The following TRIO variants were observed in gnomAD, a reference collection of about 807,000 sequenced individuals.
The protein encoded by TRIO is triple functional domain protein.
TRIO carries 58 observed loss-of-function variants against 351.9 expected under a neutral mutation model. That is an observed-to-expected ratio of 0.16 (90% confidence interval 0.13 to 0.21). The LOEUF is 0.21. TRIO is among the 10% of genes least tolerant of loss of function. The pLI is 1.00. For synonymous variants in TRIO, 1,758 were observed against 1,595.7 expected (o/e 1.10, Z -2.42); for missense variants, 3,201 against 4,027.8 (o/e 0.79, Z 5.56).
At chr5:14,306,541 C>G (rs1209117607) in intron 8 of TRIO, among the ~76,000 whole-genome samples, 2 of 152,232 alleles carry the variant, frequency 1.3e-5, no homozygotes, top group East Asian at 3.8e-4. Flanking sequence ...GAGGCCTCCA[C>G]TCATCTGCTT....
intron 1 of TRIO, among the ~76,000 whole-genome samples, chr5:14,168,133 T>C (rs534872012): frequency 6.6e-6 from 1 of 152,322 alleles, no homozygotes; most frequent in African/African-American, 2.4e-5. Flanking sequence ...GAAGCCAGAA[T>C]AGCTGTGAAA....
At chr5:14,183,974 C>T (rs1789949802) in intron 1 of TRIO, 2 of 697,860 alleles carry the variant, frequency 2.9e-6, no homozygotes, top group Non-Finnish European at 5.2e-6. Context: ...GGATGTGTCC[C>T]AGACTTTAAA....
At chr5:14,488,328 C>T (rs1172934247) in intron 48 of TRIO, 68 bp downstream of exon 48, 1 of 1,496,706 alleles carries the variant, frequency 6.7e-7, no homozygotes, top group Non-Finnish European at 8.9e-7. Context: ...TAAACGCCAC[C>T]GCGGCTGTTC....
At chr5:14,377,970 G>T in intron 19 of TRIO, 42 bp from the exon 20 acceptor site, 1 of 1,491,896 alleles carries the variant, frequency 6.7e-7, no homozygotes, top group South Asian at 1.2e-5. Context: ...TGTTTTAATT[G>T]ATTGCAAGCA....
intron 1 of TRIO, among the ~76,000 whole-genome samples, chr5:14,185,146 C>T (rs1235195825): frequency 7.4e-6 from 1 of 134,588 alleles, no homozygotes; most frequent in Non-Finnish European, 1.6e-5. Flanking sequence ...ATAAAATTCG[C>T]CCCCCTTCCC....
At chr5:14,337,841 C>T (rs530264208) in intron 11 of TRIO, among the ~76,000 whole-genome samples, 2 of 152,094 alleles carry the variant, frequency 1.3e-5, no homozygotes, top group Admixed American at 6.5e-5. Context: ...ACCACTGGGA[C>T]CCCTGGGGTT....
intron 8 of TRIO, among the ~76,000 whole-genome samples, chr5:14,310,544 T>A (rs1420793727): frequency 6.6e-6 from 1 of 152,272 alleles, no homozygotes; most frequent in African/African-American, 2.4e-5. Flanking sequence ...AAAGGCACTG[T>A]ATCAGTGGGT....
intron 4 of TRIO, among the ~76,000 whole-genome samples, chr5:14,287,568 C>G (rs1736555688): frequency 6.6e-6 from 1 of 152,120 alleles, no homozygotes; most frequent in South Asian, 2.1e-4. Context: ...GTGCAGAGTC[C>G]TGAATTCAGT....
At chr5:14,269,941 A>G (rs1795889471) in intron 1 of TRIO, among the ~76,000 whole-genome samples, 1 of 152,232 alleles carries the variant, frequency 6.6e-6, no homozygotes, top group Non-Finnish European at 1.5e-5. Context: ...TTTGGTAGGC[A>G]TCCCTGAACC....
intron 45 of TRIO, 193 bp from the exon 46 acceptor site, chr5:14,482,389 C>T (rs955483031): frequency 4.8e-6 from 2 of 414,704 alleles, no homozygotes; most frequent in Non-Finnish European, 8.1e-6. Flanking sequence ...CAAATGTTGG[C>T]AAGAATTTTA....
chr5:14,355,353 A>C (rs1204412343), intron 11 of TRIO, among the ~76,000 whole-genome samples: 1 of 152,230 alleles, frequency 6.6e-6, no homozygotes, highest in African/African-American at 2.4e-5. Context: ...GTCCATCCTT[A>C]TAACCAGGGT....
At chr5:14,222,813 T>C (rs1792731253) in intron 1 of TRIO, among the ~76,000 whole-genome samples, 1 of 152,200 alleles carries the variant, frequency 6.6e-6, no homozygotes. Flanking sequence ...TTGATCAGAC[T>C]TGGTGACTTC....
rs115341432 is a variant in TRIO at position 14,418,242 on chromosome 5, C to T, written c.4960-1536C>T. 8.3e-3 allele frequency among the ~76,000 whole-genome samples: 1,266 copies of T among 152,136 alleles called. 14 individuals carry two copies. Among genetic ancestry groups the T allele is most frequent in the African/African-American group, 0.029 (1,207 of 41,494 alleles). On this transcript the variant is annotated intron_variant, in intron 33 of 56. Coordinates refer to ENST00000344204, the MANE Select transcript of TRIO (RefSeq NM_007118.4). ...AGGAGGAGGAGGGAGGTGCTTCTGG[C>T]CACTGGGGGGGACCTTTGCCTCCTA...
intron 1 of TRIO, among the ~76,000 whole-genome samples, chr5:14,146,758 C>G (rs745707502): frequency 6.6e-6 from 1 of 152,218 alleles, no homozygotes; most frequent in Non-Finnish European, 1.5e-5. Flanking sequence ...CTGGCTTTCT[C>G]TGAGTCCTCA....
chr5:14,253,644 G>T (rs1794869379), intron 1 of TRIO, among the ~76,000 whole-genome samples: 1 of 152,232 alleles, frequency 6.6e-6, no homozygotes, highest in Non-Finnish European at 1.5e-5. Flanking sequence ...CACCTGGCCA[G>T]TGCTGGGATT....
chr5:14,506,568 G>A (rs1271798007), intron 55 of TRIO, among the ~76,000 whole-genome samples: 2 of 152,228 alleles, frequency 1.3e-5, no homozygotes, highest in African/African-American at 2.4e-5. Context: ...TAAATGAGTT[G>A]TTAGAAGGCA....
rs545410583 is a variant in TRIO at position 14,230,075 on chromosome 5, G to A, written c.158-40750G>A. Among the ~76,000 whole-genome samples, 16 of 152,282 alleles carry A rather than the reference G, an allele frequency of 1.1e-4. No individual in the cohort carries two copies. The South Asian group carries it at 2.9e-3, about 28-fold the overall frequency. ...GCTTGCACGTAGAATCCCCCTGCAC[G>A]GGAGGTCCTTAGAGGGGTCCTATTG... On this transcript the variant is annotated intron_variant, in intron 1 of 56. Coordinates refer to ENST00000344204, the MANE Select transcript of TRIO (RefSeq NM_007118.4).
At chr5:14,375,057 A>G (rs1419181109) in intron 19 of TRIO, among the ~76,000 whole-genome samples, 1 of 151,674 alleles carries the variant, frequency 6.6e-6, no homozygotes, top group Non-Finnish European at 1.5e-5. Flanking sequence ...TCAAAACAAT[A>G]TGATTGGCAA....
intron 28 of TRIO, among the ~76,000 whole-genome samples, chr5:14,396,145 C>T (rs1313167082): frequency 1.3e-5 from 2 of 151,022 alleles, no homozygotes; most frequent in East Asian, 3.9e-4. Flanking sequence ...CTCTAAATGG[C>T]TTTGCAATGT....
Sources: gnomAD v4.1 joint callset for allele counts (sites outside exome capture counted in the v4.1 genomes callset) on GRCh38, gnomAD v4.1.1 for gene constraint, MANE v1.5 for transcripts, NCBI Gene and HGNC (gene_info 2026-07-23, HGNC 2026-07-21) for gene names.